Variants in PHYHIPL observed in about 807,000 individuals in gnomAD.
PHYHIPL encodes the protein phytanoyl-CoA 2-hydroxylase interacting protein like.
PHYHIPL carries 9 observed loss-of-function variants against 33.4 expected under a neutral mutation model. That is an observed-to-expected ratio of 0.27 (90% CI 0.16 to 0.47). The LOEUF is 0.47. Ranked by LOEUF, PHYHIPL falls within the 20% of genes least tolerant of loss-of-function variation. The pLI is 0.99. For synonymous variants in PHYHIPL, 153 were observed against 154.1 expected, an observed-to-expected ratio of 0.99 and a Z score of 0.05; for missense variants, 365 against 460.7, an observed-to-expected ratio of 0.79 and a Z score of 1.90.
At chr10:59,196,734 T>A (rs1308063888) in intron 1 of PHYHIPL, among the ~76,000 whole-genome samples, 2 of 152,120 alleles carry the variant, frequency 1.3e-5, no homozygotes, top group Admixed American at 6.6e-5. Flanking sequence ...CTGTCAACAT[T>A]TTTTATGCAG....
intron 4 of PHYHIPL, among the ~76,000 whole-genome samples, chr10:59,241,069 G>C (rs1229721029): frequency 6.6e-6 from 1 of 152,044 alleles, no homozygotes; most frequent in Non-Finnish European, 1.5e-5. Context: ...GGTGCAGTAC[G>C]TATAAATAAA....
At chr10:59,178,168 A>G (rs1030843964) in intron 1 of PHYHIPL, among the ~76,000 whole-genome samples, 1 of 151,792 alleles carries the variant, frequency 6.6e-6, no homozygotes, top group Non-Finnish European at 1.5e-5. Context: ...GTTTATTACT[A>G]AATTTTATAT....
chr10:59,238,513 C>G, intron 3 of PHYHIPL, 75 bp from the exon 4 acceptor site: 1 of 743,346 alleles, frequency 1.3e-6, no homozygotes, highest in Non-Finnish European at 2.2e-6. Context: ...TTTTAATAAT[C>G]TTCAATTTAT....
At position 59,230,601 on chromosome 10, in the gene PHYHIPL, T is replaced by C. The variant is rs191603865; in HGVS notation, c.107-3703T>C. Among the ~76,000 whole-genome samples, 24 of 152,312 alleles carry C rather than the reference T, an allele frequency of 1.6e-4. No individual in the cohort carries two copies. The East Asian group carries it at 4.4e-3, about 28-fold the overall frequency. On this transcript the variant is annotated intron_variant, in intron 1 of 4. Coordinates refer to ENST00000373880, the MANE Select transcript of PHYHIPL (RefSeq NM_032439.4). Reference sequence around the variant, plus strand: ...TAATGAAATTGTATCTTAAGCTTTGTACCTGTGAACCCAAAAGTATCTGAG... The same window carrying C: ...TAATGAAATTGTATCTTAAGCTTTGCACCTGTGAACCCAAAAGTATCTGAG...
intron 1 of PHYHIPL, 21 bp downstream of exon 1, chr10:59,176,980 G>C (rs747818189): frequency 1.2e-6 from 2 of 1,605,392 alleles, no homozygotes; most frequent in South Asian, 2.2e-5. Context: ...CCGGGACCGC[G>C]AGGAAAGGGA....
intron 1 of PHYHIPL, among the ~76,000 whole-genome samples, chr10:59,220,699 A>C (rs1839745204): frequency 6.6e-6 from 1 of 152,030 alleles, no homozygotes. Context: ...AAACAATACA[A>C]ATAGTTCTAG....
At chr10:59,177,168 A>G in intron 1 of PHYHIPL, 2 of 604,540 alleles carry the variant, frequency 3.3e-6, no homozygotes, top group Non-Finnish European at 5.6e-6. Flanking sequence ...CTTGGCGCGG[A>G]AAGTAGCCGT....
At chr10:59,173,921 G>GTTTTTTTTTTTTTTTTTT (rs368316005), upstream of PHYHIPL, among the ~76,000 whole-genome samples, 8 of 57,558 alleles carry the variant, frequency 1.4e-4, 1 homozygote, top group African/African-American at 2.3e-4. Flanking sequence ...TACTTCTGAG[G>GTTTTTTTTTTTTTTTTTT]TTTTTTTTTT....
chr10:59,214,593 T>G (rs917996378), intron 1 of PHYHIPL, among the ~76,000 whole-genome samples: 1 of 152,088 alleles, frequency 6.6e-6, no homozygotes, highest in Non-Finnish European at 1.5e-5. Context: ...ATCCTAATTC[T>G]GTCATTCCTG....
In PHYHIPL at chr10:59,246,665, A is replaced by G; in HGVS notation, c.*1074A>G. 5.0e-6 allele frequency: 2 copies of G among 397,686 alleles called. No individual in the cohort carries two copies. The highest frequency in any genetic ancestry group is 8.9e-6 in the Non-Finnish European group (2 of 225,322). 24.6% of individuals were successfully genotyped at this position (397,686 alleles called of 1,614,324 possible). A position where few individuals can be genotyped will look rare whatever the true frequency, so the allele number is the denominator to read the frequency against. On this transcript the variant is annotated 3_prime_UTR_variant, in exon 5 of 5. Transcript: ENST00000373880. ...CTTTTTCAAGGTATCAGGGCAAACA[A>G]TTTCCAAACTTTTCATTTTGTACAG...
chr10:59,186,081 G>T (rs932830015), intron 1 of PHYHIPL, among the ~76,000 whole-genome samples: 1 of 152,116 alleles, frequency 6.6e-6, no homozygotes, highest in East Asian at 1.9e-4. Flanking sequence ...TTTTCTTCTA[G>T]GGTTTTTATG....
At chr10:59,243,982 A>T (rs1465369897) in intron 4 of PHYHIPL, among the ~76,000 whole-genome samples, 1 of 152,182 alleles carries the variant, frequency 6.6e-6, no homozygotes, top group Non-Finnish European at 1.5e-5. Flanking sequence ...ATACATAGTT[A>T]TGAAGAATGC....
intron 1 of PHYHIPL, among the ~76,000 whole-genome samples, chr10:59,224,787 T>C (rs1182972720): frequency 1.3e-5 from 2 of 152,134 alleles, no homozygotes; most frequent in Non-Finnish European, 2.9e-5. Flanking sequence ...CTTCACAAAA[T>C]CAAAACAATT....
intron 3 of PHYHIPL, among the ~76,000 whole-genome samples, chr10:59,237,260 AATATTCCATTAGATTGGAAAC>A (rs1458549561): frequency 6.6e-6 from 1 of 151,918 alleles, no homozygotes; most frequent in Non-Finnish European, 1.5e-5. Context: ...ACTGAACCTT[AATATTCCATTAGATTGGAAAC>A]ATTACCATTC....
upstream of PHYHIPL, among the ~76,000 whole-genome samples, chr10:59,175,927 T>TGGCCCCGCAGCATGTCTGCC (rs1838240390): frequency 6.6e-6 from 1 of 152,230 alleles, no homozygotes; most frequent in Non-Finnish European, 1.5e-5. Context: ...CCGTGGCTGC[T>TGGCCCCGCAGCATGTCTGCC]GGCCCCGCAG....
chr10:59,186,893 A>G (rs1315382870), intron 1 of PHYHIPL, among the ~76,000 whole-genome samples: 1 of 152,208 alleles, frequency 6.6e-6, no homozygotes, highest in African/African-American at 2.4e-5. Context: ...TAGATATACA[A>G]TCATGTCATC....
chr10:59,180,326 A>AAG (rs1838377559), intron 1 of PHYHIPL, among the ~76,000 whole-genome samples: 1 of 45,354 alleles, frequency 2.2e-5, no homozygotes, highest in Admixed American at 2.8e-4. Context: ...ATATATATAT[A>AAG]TATATATATA....
At chr10:59,198,928 T>G (rs912485891) in intron 1 of PHYHIPL, among the ~76,000 whole-genome samples, 2 of 152,204 alleles carry the variant, frequency 1.3e-5, no homozygotes, top group African/African-American at 4.8e-5. Context: ...GTAAATTTGT[T>G]TGAGTTCTTT....
intron 1 of PHYHIPL, among the ~76,000 whole-genome samples, chr10:59,222,396 TA>T (rs1179918465): frequency 2.0e-5 from 3 of 151,706 alleles, no homozygotes; most frequent in African/African-American, 7.3e-5. Flanking sequence ...AAAGAGGTAA[TA>T]AAAGCGAAAT....
Sources: gnomAD v4.1 joint callset for allele counts (sites outside exome capture counted in the v4.1 genomes callset) on GRCh38, gnomAD v4.1.1 for gene constraint, MANE v1.5 for transcripts, NCBI Gene and HGNC (gene_info 2026-07-23, HGNC 2026-07-21) for gene names.